UPRT: variants seen among roughly 807,000 people sequenced by gnomAD.
UPRT encodes RP11-311P8.3.
UPRT carries 5 observed loss-of-function variants against 22.6 expected under a neutral mutation model. The observed-to-expected ratio is 0.22, with a 90% CI of 0.12 to 0.47. The LOEUF (loss-of-function observed/expected upper bound fraction) is 0.47. Among genes scored for constraint, UPRT ranks in the 20% least tolerant of loss-of-function variants. The pLI is 0.99. For synonymous variants in UPRT, 77 were observed against 87.7 expected (o/e 0.88, Z 0.68); for missense variants, 181 against 239.9 (o/e 0.75, Z 1.62).
intron 1 of UPRT, 168 bp downstream of exon 1, chrX:75,274,808 G>A: frequency 2.2e-6 from 1 of 455,650 alleles, no homozygotes; most frequent in Non-Finnish European, 3.4e-6. Context: ...GTGTGTGTGT[G>A]TGTGTGTGTC....
At chrX:75,184,540 G>GT (rs1291880194) in intron 4 of UPRT, among the ~76,000 whole-genome samples, 2 of 108,113 alleles carry the variant, frequency 1.8e-5, no homozygotes, top group Non-Finnish European at 3.8e-5. Context: ...CTTTAAAGTA[G>GT]TTTTTTTCCA....
At chrX:75,192,895 T>G (rs767336853) in intron 4 of UPRT, among the ~76,000 whole-genome samples, 5 of 112,161 alleles carry the variant, frequency 4.5e-5, no homozygotes, top group African/African-American at 1.6e-4. Flanking sequence ...CATACCATTG[T>G]GTTTTGCTTC....
intron 4 of UPRT, among the ~76,000 whole-genome samples, chrX:75,200,597 A>C (rs1488189487): frequency 8.9e-6 from 1 of 112,220 alleles, no homozygotes; most frequent in Non-Finnish European, 1.9e-5. Context: ...CTGTCTCAAA[A>C]AGAAAATTAT....
At chrX:75,217,740 G>C (rs113611674) in intron 4 of UPRT, among the ~76,000 whole-genome samples, 1 of 111,791 alleles carries the variant, frequency 8.9e-6, no homozygotes, top group African/African-American at 3.3e-5. Context: ...CCGCATATCT[G>C]CAACTATCTG....
At chrX:75,219,643 G>T (rs1211844693) in intron 4 of UPRT, among the ~76,000 whole-genome samples, 1 of 111,399 alleles carries the variant, frequency 9.0e-6, no homozygotes, top group Non-Finnish European at 1.9e-5. Flanking sequence ...GCAAAAAACA[G>T]ATAGGGGCCA....
intron 1 of UPRT, chrX:75,291,338 T>C (rs941823618): frequency 1.8e-4 from 55 of 299,625 alleles, no homozygotes; most frequent in African/African-American, 1.4e-3. Context: ...AATTTTACAT[T>C]AGACTTTATT....
At position 75,304,560 on chromosome X, in the gene UPRT, C is replaced by T. The variant is rs1429287991; in HGVS notation, c.*1049C>T. 9.0e-6 allele frequency: 1 copy of T among 111,479 alleles called. No individual in the cohort carries two copies. Among genetic ancestry groups the T allele is most frequent in the Non-Finnish European group, 1.9e-5 (1 of 53,128 alleles). 9.2% of individuals were successfully genotyped at this position (111,479 alleles called of 1,213,427 possible). On this transcript the variant is annotated 3_prime_UTR_variant, in exon 7 of 7. Transcript: ENST00000373383. ...TGTTCTGAAATCTGCTTGTAAAACT[C>T]TCATCTCATTTTACATTGATATTAA...
At chrX:75,200,200 A>G (rs2082343778) in intron 4 of UPRT, among the ~76,000 whole-genome samples, 1 of 112,142 alleles carries the variant, frequency 8.9e-6, no homozygotes, top group African/African-American at 3.2e-5. Flanking sequence ...CTATTGTCCT[A>G]GGCCCGATAA....
intron 4 of UPRT, among the ~76,000 whole-genome samples, chrX:75,239,253 G>A (rs766526944): frequency 4.5e-5 from 5 of 111,477 alleles, no homozygotes; most frequent in Non-Finnish European, 7.6e-5. Context: ...CTAATAAGCT[G>A]AATTAGAAAT....
intron 4 of UPRT, among the ~76,000 whole-genome samples, chrX:75,173,594 C>T (rs1403606324): frequency 8.9e-6 from 1 of 112,762 alleles, no homozygotes; most frequent in Non-Finnish European, 1.9e-5. Context: ...GCACCGTGCG[C>T]TCACACTCCT....
chrX:75,212,531 A>G (rs1477907871), intron 4 of UPRT, among the ~76,000 whole-genome samples: 2 of 112,296 alleles, frequency 1.8e-5, no homozygotes, highest in Non-Finnish European at 3.8e-5. Flanking sequence ...GAAGACATGG[A>G]ATCAACCCAA....
At chrX:75,253,727 C>A (rs1490114634) in intron 4 of UPRT, among the ~76,000 whole-genome samples, 1 of 111,788 alleles carries the variant, frequency 8.9e-6, no homozygotes, top group African/African-American at 3.3e-5. Context: ...ACCTGAGAGA[C>A]AATGCAAATA....
At chrX:75,237,151 T>C (rs1284605345) in intron 4 of UPRT, among the ~76,000 whole-genome samples, 13 of 112,027 alleles carry the variant, frequency 1.2e-4, no homozygotes, top group African/African-American at 3.9e-4. Flanking sequence ...CATGAACAGA[T>C]ACTTCTCAAA....
At chrX:75,218,896 G>C (rs1018929636) in intron 4 of UPRT, among the ~76,000 whole-genome samples, 5 of 110,370 alleles carry the variant, frequency 4.5e-5, no homozygotes, top group East Asian at 5.7e-4. Context: ...TGTGGGGTGG[G>C]GGAACGGGGG....
rs779969593 is a variant in UPRT at position 75,304,868 on chromosome X, A to G, written c.*1357A>G. On this transcript the variant is annotated 3_prime_UTR_variant, in exon 7 of 7. Coordinates refer to ENST00000373383, the MANE Select transcript of UPRT (RefSeq NM_145052.4). The stretch of plus-strand genomic sequence containing the variant: ...TCATATAATAAATTGAGATTAATAA[A>G]TTACTCATATTACAGTTCTTCCATG... Among the ~76,000 whole-genome samples the G allele has an allele frequency of 8.9e-6, 1 of 112,002 alleles. No homozygotes were observed. The highest frequency in any genetic ancestry group is 1.9e-5 in the Non-Finnish European group (1 of 53,197).
chrX:75,183,965 T>C (rs2082280169), intron 4 of UPRT, among the ~76,000 whole-genome samples: 1 of 112,182 alleles, frequency 8.9e-6, no homozygotes, highest in Non-Finnish European at 1.9e-5. Context: ...TTCTCCCATT[T>C]TGTAGGTTGC....
chrX:75,279,160 A>T (rs559366149), intron 1 of UPRT, among the ~76,000 whole-genome samples: 1 of 110,766 alleles, frequency 9.0e-6, no homozygotes, highest in South Asian at 3.9e-4. Context: ...TAGCCTGCTG[A>T]TTCGGGCTAT....
chrX:75,171,634 G>A (rs1208171035), intron 4 of UPRT, among the ~76,000 whole-genome samples: 1 of 75,523 alleles, frequency 1.3e-5, no homozygotes, highest in Non-Finnish European at 2.6e-5. Context: ...GATTTTTGGG[G>A]GGTGTTAAAG....
At chrX:75,294,717 G>T in intron 2 of UPRT, 1 of 514,302 alleles carries the variant, frequency 1.9e-6, no homozygotes. Flanking sequence ...AAATGTGGTT[G>T]ACATTCCTGG....
Sources: allele counts gnomAD v4.1 joint callset (sites outside exome capture counted in the v4.1 genomes callset), GRCh38; gene constraint gnomAD v4.1.1; transcripts MANE v1.5; gene names NCBI Gene and HGNC (gene_info 2026-07-23, HGNC 2026-07-21).